Variants in GARIN2 observed in about 807,000 individuals in gnomAD.
GARIN2 encodes Golgi-associated RAB2 interactor protein 2.
chr14:67,214,193 G>T, the GARIN2 span, among the ~76,000 whole-genome samples: 1 of 152,046 alleles, frequency 6.6e-6, no homozygotes, highest in Non-Finnish European at 1.5e-5. Context: ...GTCAATTTTG[G>T]CTTTTGTTGC....
chr14:67,200,620 T>TGAGCTACCCACCTCCA, the GARIN2 span: 4 of 187,460 alleles, frequency 2.1e-5, no homozygotes, highest in Admixed American at 2.6e-4. Flanking sequence ...AGTACTAGTG[T>TGAGCTACCCACCTCCA]GAGCTACCCA....
the GARIN2 span, chr14:67,200,560 A>T: frequency 4.3e-6 from 1 of 234,712 alleles, no homozygotes; most frequent in Non-Finnish European, 8.0e-6. Context: ...TTAAAAAAAA[A>T]TGTAAGGAGA....
the GARIN2 span, among the ~76,000 whole-genome samples, chr14:67,197,545 T>C: frequency 2.0e-5 from 3 of 149,300 alleles, no homozygotes; most frequent in Admixed American, 6.7e-5. Flanking sequence ...AGTGGTCCCC[T>C]TGGCAGCAGG....
the GARIN2 span, chr14:67,204,779 G>T: frequency 6.2e-7 from 1 of 1,613,902 alleles, no homozygotes. Context: ...GACATCACAG[G>T]CTCCATGGAT....
the GARIN2 span, among the ~76,000 whole-genome samples, chr14:67,212,647 A>G: frequency 6.9e-6 from 1 of 145,924 alleles, no homozygotes; most frequent in African/African-American, 2.5e-5. Flanking sequence ...TATATTACAT[A>G]TATATATAAT....
chr14:67,220,302 G>A, the GARIN2 span, among the ~76,000 whole-genome samples: 1 of 151,708 alleles, frequency 6.6e-6, no homozygotes, highest in Non-Finnish European at 1.5e-5. Context: ...AGTTATCTGG[G>A]CGTGGTAGTG....
chr14:67,226,182 GT>G, the GARIN2 span, among the ~76,000 whole-genome samples: 6 of 152,052 alleles, frequency 3.9e-5, no homozygotes, highest in Non-Finnish European at 7.4e-5. Context: ...TTATTTACTT[GT>G]TTATTTATTT....
At chr14:67,203,308 G>A in the GARIN2 span, 2 of 1,554,654 alleles carry the variant, frequency 1.3e-6, no homozygotes, top group Non-Finnish European at 1.7e-6. Flanking sequence ...GTTACAAAGA[G>A]AAGAGGTTAA....
chr14:67,207,776 T>C, the GARIN2 span, among the ~76,000 whole-genome samples: 1 of 152,010 alleles, frequency 6.6e-6, no homozygotes, highest in Non-Finnish European at 1.5e-5. Context: ...TCTAAGTCTT[T>C]TGACAAAAAA....
chr14:67,212,299 C>T, the GARIN2 span, among the ~76,000 whole-genome samples: 1 of 151,916 alleles, frequency 6.6e-6, no homozygotes, highest in African/African-American at 2.4e-5. Context: ...TTTAAAATGG[C>T]TCCTCTGACA....
chr14:67,213,939 G>GT, the GARIN2 span, among the ~76,000 whole-genome samples: 1 of 152,176 alleles, frequency 6.6e-6, no homozygotes, highest in Non-Finnish European at 1.5e-5. Flanking sequence ...TTTTTCATGT[G>GT]TTTTTTGGCT....
At chr14:67,203,423 CAA>C in the GARIN2 span, 1 of 685,084 alleles carries the variant, frequency 1.5e-6, no homozygotes, top group Non-Finnish European at 2.3e-6. Flanking sequence ...CTGCAAATGA[CAA>C]AGAGGAGCAT....
At chr14:67,204,509 G>A in the GARIN2 span, 1 of 1,597,174 alleles carries the variant, frequency 6.3e-7, no homozygotes, top group East Asian at 2.2e-5. Flanking sequence ...CAGGTCTCCA[G>A]ATGATGTTAC....
the GARIN2 span, among the ~76,000 whole-genome samples, chr14:67,211,879 GA>G: frequency 7.2e-5 from 11 of 152,064 alleles, no homozygotes; most frequent in African/African-American, 2.7e-4. Flanking sequence ...ATTATATATT[GA>G]TAAAAAACAG....
chr14:67,207,888 T>C, the GARIN2 span, among the ~76,000 whole-genome samples: 1 of 152,226 alleles, frequency 6.6e-6, no homozygotes. Flanking sequence ...CTGGGAAACT[T>C]TTCTTGTGCT....
chr14:67,193,954 C>CAAAAAAAAAACAAAAAAAAAAAAAACAAA, the GARIN2 span, among the ~76,000 whole-genome samples: 1 of 85,760 alleles, frequency 1.2e-5, no homozygotes, highest in Non-Finnish European at 2.5e-5. Context: ...CAAAAAAAAA[C>CAAAAAAAAAACAAAAAAAAAAAAAACAAA]AAAAAAAAAA....
At chr14:67,192,186 C>G in the GARIN2 span, among the ~76,000 whole-genome samples, 1 of 152,118 alleles carries the variant, frequency 6.6e-6, no homozygotes, top group Non-Finnish European at 1.5e-5. Context: ...ATGGGCCTAG[C>G]AAAAGGCAAA....
chr14:67,204,264 T>C, the GARIN2 span, among the ~76,000 whole-genome samples: 2 of 152,028 alleles, frequency 1.3e-5, no homozygotes, highest in African/African-American at 2.4e-5. Flanking sequence ...TGGTGAAACC[T>C]TGTCTCTACA....
the GARIN2 span, among the ~76,000 whole-genome samples, chr14:67,192,934 A>T: frequency 2.0e-5 from 3 of 146,924 alleles, no homozygotes; most frequent in Non-Finnish European, 4.5e-5. Flanking sequence ...ATATATAGAT[A>T]TCTAGATAAA....
Sources: gnomAD v4.1 joint callset for allele counts (sites outside exome capture counted in the v4.1 genomes callset) on GRCh38, gnomAD v4.1.1 for gene constraint, MANE v1.5 for transcripts, NCBI Gene and HGNC (gene_info 2026-07-23, HGNC 2026-07-21) for gene names.